FAM171A1: variants seen among roughly 807,000 people sequenced by gnomAD.
FAM171A1 encodes the protein protein FAM171A1.
FAM171A1 carries 23 observed loss-of-function variants against 74.9 expected under a neutral mutation model. That is an observed-to-expected ratio of 0.31 (90% confidence interval 0.22 to 0.44). The LOEUF (loss-of-function observed/expected upper bound fraction) is 0.44. Ranked by LOEUF, FAM171A1 falls within the 20% of genes least tolerant of loss-of-function variation. The pLI, the probability that FAM171A1 is intolerant of heterozygous loss-of-function variation, is 1.00. For synonymous variants in FAM171A1, 527 were observed against 505.7 expected, an observed-to-expected ratio of 1.04 and a Z score of -0.57; for missense variants, 1,162 against 1,159.2, an observed-to-expected ratio of 1.00 and a Z score of -0.03.
intron 1 of FAM171A1, among the ~76,000 whole-genome samples, chr10:15,363,509 A>C (rs74124825): frequency 0.021 from 3,125 of 152,302 alleles, 103 homozygotes; most frequent in African/African-American, 0.072. Context: ...CCTTAAAATA[A>C]CTGAATGATT....
At position 15,213,419 on chromosome 10, in the gene FAM171A1, T is replaced by C. The variant is rs1374439200; in HGVS notation, c.2169A>G (p.Ser723=). The change falls in exon 8 of 8, where the codon TCA becomes TCG. Residue 723 remains serine, a synonymous_variant. Coordinates refer to ENST00000378116, the MANE Select transcript of FAM171A1 (RefSeq NM_001010924.2). This position sits in a 1 kb window ranked among gnomAD's most constrained non-coding sequence, Gnocchi z 6.8. ...DGRSNAHVRH[S]YIDLQRAGRN... is the part of the protein sequence containing the mutation. ...TTCCAGCTCTTTGGAGATCAATGTATGAATGTCTAACGTGAGCGTTGGACC... is the reference window on the plus strand; with the variant it reads ...TTCCAGCTCTTTGGAGATCAATGTACGAATGTCTAACGTGAGCGTTGGACC... 4.3e-6 allele frequency: 7 copies of C among 1,614,170 alleles called. No homozygotes were observed. The highest frequency in any genetic ancestry group is 5.9e-6 in the Non-Finnish European group (7 of 1,180,048).
At chr10:15,323,219 T>C (rs902746171) in intron 1 of FAM171A1, among the ~76,000 whole-genome samples, 1 of 148,692 alleles carries the variant, frequency 6.7e-6, no homozygotes, top group African/African-American at 2.5e-5. Flanking sequence ...CTTTGGGAGG[T>C]TGAGGCAGGT....
At chr10:15,357,269 C>T (rs535195409) in intron 1 of FAM171A1, among the ~76,000 whole-genome samples, 4 of 151,966 alleles carry the variant, frequency 2.6e-5, no homozygotes, top group Admixed American at 1.3e-4. Flanking sequence ...GGTGACAGAG[C>T]GAGACTCCGT....
intron 5 of FAM171A1, among the ~76,000 whole-genome samples, chr10:15,229,765 CCAT>C (rs1564616779): frequency 2.1e-4 from 11 of 53,460 alleles, no homozygotes; most frequent in African/African-American, 6.6e-4. Context: ...ACCATCACCA[CCAT>C]CACCATCATC....
chr10:15,262,201 G>T (rs556363046), intron 3 of FAM171A1, among the ~76,000 whole-genome samples: 1 of 152,130 alleles, frequency 6.6e-6, no homozygotes, highest in African/African-American at 2.4e-5. Flanking sequence ...GAAAGATTCC[G>T]ATTTGTTTTT....
intron 1 of FAM171A1, among the ~76,000 whole-genome samples, chr10:15,355,199 C>T (rs1588569114): frequency 6.6e-6 from 1 of 152,170 alleles, no homozygotes; most frequent in East Asian, 1.9e-4. Context: ...ATTCTCCTGC[C>T]TCAGCCTCCT....
At chr10:15,297,444 C>A (rs1381333075) in intron 1 of FAM171A1, among the ~76,000 whole-genome samples, 3 of 152,162 alleles carry the variant, frequency 2.0e-5, no homozygotes, top group African/African-American at 7.2e-5. Context: ...AATGCATAAA[C>A]TTCTGTCTTG....
chr10:15,355,089 TTTTG>T (rs779131258), intron 1 of FAM171A1, among the ~76,000 whole-genome samples: 8 of 152,138 alleles, frequency 5.3e-5, no homozygotes, highest in Non-Finnish European at 1.0e-4. Flanking sequence ...GATATGCTAG[TTTTG>T]TTTGTTTGTT....
intron 1 of FAM171A1, among the ~76,000 whole-genome samples, chr10:15,346,344 C>T (rs1335517479): frequency 2.0e-5 from 3 of 152,140 alleles, no homozygotes; most frequent in East Asian, 3.9e-4. Flanking sequence ...GCAATCCTCC[C>T]GCCTGGCCTC....
At chr10:15,369,024 C>G (rs1412652165) in intron 1 of FAM171A1, among the ~76,000 whole-genome samples, 1 of 152,050 alleles carries the variant, frequency 6.6e-6, no homozygotes, top group Admixed American at 6.5e-5. Context: ...GTAAACTATG[C>G]CAAGATACTT....
chr10:15,366,854 G>A (rs1277340150), intron 1 of FAM171A1, among the ~76,000 whole-genome samples: 1 of 152,168 alleles, frequency 6.6e-6, no homozygotes, highest in Non-Finnish European at 1.5e-5. Flanking sequence ...AAGATGCACA[G>A]TTAGATTTAC....
intron 3 of FAM171A1, among the ~76,000 whole-genome samples, chr10:15,263,220 G>A (rs1261748612): frequency 6.6e-6 from 1 of 152,116 alleles, no homozygotes; most frequent in African/African-American, 2.4e-5. Flanking sequence ...CTGAGACAGC[G>A]TGAGGGCCTC....
chr10:15,248,551 A>G, intron 5 of FAM171A1, 88 bp downstream of exon 5: 3 of 1,382,056 alleles, frequency 2.2e-6, no homozygotes, highest in Non-Finnish European at 2.9e-6. Flanking sequence ...CTTCAAGGAA[A>G]GGAGACTTCC....
intron 5 of FAM171A1, among the ~76,000 whole-genome samples, chr10:15,237,111 G>GC (rs1339620024): frequency 6.6e-6 from 1 of 152,176 alleles, no homozygotes; most frequent in Non-Finnish European, 1.5e-5. Context: ...GATGGGGAAA[G>GC]CCCGCAGGAA....
rs777516441 is a variant in FAM171A1, at chr10:15,214,452, ACGGACAGCGGGC to A, written c.1124_1135del (p.Gly375_Ser378del). ...GGCCTCGGGGCGGCCGTGGCTGGTG[ACGGACAGCGGGC>A]CAGGGAATTCTGACGCTCGGCGTGA... On this transcript the variant is annotated inframe_deletion, in exon 8 of 8. Transcript: ENST00000378116. The A allele has an allele frequency of 6.2e-7, 1 of 1,614,108 alleles. No homozygotes were observed. Among genetic ancestry groups the A allele is most frequent in the South Asian group, 1.1e-5 (1 of 91,076 alleles).
chr10:15,320,084 C>T (rs945172957), intron 1 of FAM171A1, among the ~76,000 whole-genome samples: 1 of 152,130 alleles, frequency 6.6e-6, no homozygotes, highest in Non-Finnish European at 1.5e-5. Context: ...AGGTAATGAA[C>T]ATAGTCCCCA....
intron 1 of FAM171A1, among the ~76,000 whole-genome samples, chr10:15,348,434 G>C (rs959981894): frequency 1.3e-5 from 2 of 152,192 alleles, no homozygotes; most frequent in East Asian, 1.9e-4. Context: ...CCCCATGCCC[G>C]GCCTCTAGGT....
At position 15,212,612 on chromosome 10, in the gene FAM171A1, G is replaced by T; in HGVS notation, c.*303C>A. On this transcript the variant is annotated 3_prime_UTR_variant, in exon 8 of 8. Coordinates refer to ENST00000378116, the MANE Select transcript of FAM171A1 (RefSeq NM_001010924.2). ...GAACTGAGGTGATCGTTAGAGCATAGCGACATCACGTGCGGTTTCTTAATG... is the reference window on the plus strand; with the variant it reads ...GAACTGAGGTGATCGTTAGAGCATATCGACATCACGTGCGGTTTCTTAATG... The T allele has an allele frequency of 2.4e-6, 1 of 417,854 alleles. No individual in the cohort carries two copies. The highest frequency in any genetic ancestry group is 2.7e-5 in the South Asian group (1 of 37,510). The allele number at this position is 417,854 out of a possible 1,614,324, so 25.9% of individuals were successfully genotyped here.
intron 1 of FAM171A1, among the ~76,000 whole-genome samples, chr10:15,316,672 G>A (rs1337034651): frequency 1.3e-5 from 2 of 152,176 alleles, no homozygotes; most frequent in Admixed American, 6.5e-5. Flanking sequence ...AAGGTGAGAT[G>A]CCAGGTTCTT....
Sources: gnomAD v4.1 joint callset for allele counts (sites outside exome capture counted in the v4.1 genomes callset) on GRCh38, gnomAD v4.1.1 for gene constraint, Gnocchi (gnomAD v3.1) non-coding constraint, MANE v1.5 for transcripts, NCBI Gene and HGNC (gene_info 2026-07-23, HGNC 2026-07-21) for gene names.